Variants in CCDC178 observed in about 807,000 individuals in gnomAD.
CCDC178 encodes coiled-coil domain containing 178, also known as coiled-coil domain-containing protein 178.
A neutral mutation model predicts 117.4 loss-of-function variants in CCDC178; 126 were observed. The observed-to-expected ratio is 1.07, with a 90% CI of 0.93 to 1.24. The LOEUF (loss-of-function observed/expected upper bound fraction) is 1.24, where lower values mean the gene tolerates loss of function less well. CCDC178 is among the 50% of genes most tolerant of loss of function. CCDC178 has a pLI of 0.00. For synonymous variants in CCDC178, 283 were observed against 313.4 expected (o/e 0.90, Z 1.02); for missense variants, 1,030 against 986.9 (o/e 1.04, Z -0.59).
chr18:33,076,289 T>C (rs566606785), intron 21 of CCDC178, among the ~76,000 whole-genome samples: 1 of 152,284 alleles, frequency 6.6e-6, no homozygotes, highest in Admixed American at 6.5e-5. Flanking sequence ...ATCCTAGCAT[T>C]CTTAGGTGAG....
rs146347291 is a variant in CCDC178, at chr18:33,338,171, T to C, written c.659-4777A>G. On this transcript the variant is annotated intron_variant, in intron 9 of 22. Transcript: ENST00000383096. ...GAAAAATGTTCAACATCACTAATTA[T>C]CAGGGAAATGCAAATCAAAACCACA... is the stretch of plus-strand genomic sequence containing the variant. 6.6e-4 allele frequency among the ~76,000 whole-genome samples: 100 copies of C among 152,214 alleles called. 1 individual carries two copies. In the East Asian group the frequency reaches 0.01, roughly 16 times the overall value.
intron 22 of CCDC178, among the ~76,000 whole-genome samples, chr18:32,965,049 C>T (rs148489753): frequency 2.6e-5 from 4 of 151,714 alleles, no homozygotes; most frequent in South Asian, 2.1e-4. Flanking sequence ...TACTGTATAC[C>T]CGGCACCTCA....
At chr18:33,365,764 T>C (rs1317383792) in intron 6 of CCDC178, among the ~76,000 whole-genome samples, 2 of 152,088 alleles carry the variant, frequency 1.3e-5, no homozygotes, top group Non-Finnish European at 2.9e-5. Context: ...TTTAATTCTG[T>C]AGTGCTCACT....
intron 22 of CCDC178, among the ~76,000 whole-genome samples, chr18:32,961,957 T>C (rs1195713250): frequency 6.6e-6 from 1 of 151,410 alleles, no homozygotes; most frequent in African/African-American, 2.4e-5. Context: ...TTTTTTCTCA[T>C]TGTTTTCTAT....
chr18:33,198,278 CTCTA>C (rs891852910), intron 20 of CCDC178, among the ~76,000 whole-genome samples: 19 of 152,300 alleles, frequency 1.2e-4, no homozygotes, highest in African/African-American at 3.1e-4. Context: ...GTCTCTCTCT[CTCTA>C]TCTATCTCCC....
At chr18:33,390,706 T>A (rs2063552423) in intron 4 of CCDC178, among the ~76,000 whole-genome samples, 1 of 151,982 alleles carries the variant, frequency 6.6e-6, no homozygotes, top group Non-Finnish European at 1.5e-5. Context: ...TGATGGAAAT[T>A]TTTTTCTAGC....
chr18:33,195,737 C>T (rs2058922358), intron 20 of CCDC178, among the ~76,000 whole-genome samples: 1 of 152,134 alleles, frequency 6.6e-6, no homozygotes, highest in Non-Finnish European at 1.5e-5. Flanking sequence ...CTTCTTAGGA[C>T]ACAAGGCTAT....
chr18:33,040,832 G>A (rs1244928383), intron 21 of CCDC178, among the ~76,000 whole-genome samples: 2 of 151,916 alleles, frequency 1.3e-5, no homozygotes, highest in African/African-American at 4.8e-5. Flanking sequence ...GACAATGCTG[G>A]TGAACAGGCT....
At chr18:32,966,889 T>C (rs1241089163) in intron 22 of CCDC178, among the ~76,000 whole-genome samples, 2 of 151,864 alleles carry the variant, frequency 1.3e-5, no homozygotes, top group Admixed American at 6.6e-5. Context: ...TTGAGCTAAA[T>C]TTTTGTTAAT....
At chr18:33,135,338 A>G (rs2058111760) in intron 20 of CCDC178, among the ~76,000 whole-genome samples, 1 of 152,170 alleles carries the variant, frequency 6.6e-6, no homozygotes, top group Non-Finnish European at 1.5e-5. Flanking sequence ...GATCATTTAG[A>G]TGGCACACAA....
intron 20 of CCDC178, among the ~76,000 whole-genome samples, chr18:33,109,616 C>T (rs1351343454): frequency 5.3e-5 from 8 of 151,454 alleles, no homozygotes; most frequent in African/African-American, 1.9e-4. Flanking sequence ...TATCATCACC[C>T]CAGAAACCTC....
At chr18:33,385,632 A>G (rs1001929211) in intron 5 of CCDC178, among the ~76,000 whole-genome samples, 14 of 152,238 alleles carry the variant, frequency 9.2e-5, no homozygotes, top group Admixed American at 3.3e-4. Context: ...TAATGAAATT[A>G]AGACAGATAT....
At chr18:33,170,378 A>G (rs961435079) in intron 20 of CCDC178, among the ~76,000 whole-genome samples, 1 of 152,178 alleles carries the variant, frequency 6.6e-6, no homozygotes, top group Non-Finnish European at 1.5e-5. Flanking sequence ...ATTCTTAACC[A>G]AAAGAACTTA....
At chr18:32,991,389 A>T (rs2055389899) in intron 21 of CCDC178, among the ~76,000 whole-genome samples, 1 of 151,656 alleles carries the variant, frequency 6.6e-6, no homozygotes, top group African/African-American at 2.4e-5. Flanking sequence ...CTGTGGGGGA[A>T]ACTGGACTTC....
At chr18:32,994,380 T>C (rs1410838428) in intron 21 of CCDC178, among the ~76,000 whole-genome samples, 1 of 152,016 alleles carries the variant, frequency 6.6e-6, no homozygotes, top group Non-Finnish European at 1.5e-5. Flanking sequence ...ACCAAAAACT[T>C]TAAAGAATAA....
chr18:33,389,052 G>A (rs1301440714), intron 5 of CCDC178, among the ~76,000 whole-genome samples: 6 of 151,994 alleles, frequency 3.9e-5, no homozygotes, highest in Non-Finnish European at 1.5e-5. Flanking sequence ...TTAATACTTA[G>A]GTGATGGATT....
intron 21 of CCDC178, among the ~76,000 whole-genome samples, chr18:33,092,446 C>A (rs967280544): frequency 7.9e-5 from 12 of 151,836 alleles, no homozygotes; most frequent in Non-Finnish European, 1.8e-4. Flanking sequence ...ATCACCCACT[C>A]TTAGAATTGA....
chr18:33,305,715 T>G (rs2062238903), intron 11 of CCDC178, among the ~76,000 whole-genome samples: 1 of 152,194 alleles, frequency 6.6e-6, no homozygotes, highest in African/African-American at 2.4e-5. Context: ...AGCTTAAATT[T>G]ACCCTCTTCC....
Position 33,254,215 on chromosome 18 carries a change from T to G in CCDC178, c.1410-8787A>C, listed in dbSNP as rs192411746. Among the ~76,000 whole-genome samples the G allele has an allele frequency of 1.8e-3, 272 of 150,596 alleles. 3 individuals carry two copies. Among genetic ancestry groups the G allele is most frequent in the Non-Finnish European group, 2.4e-3 (164 of 67,650 alleles). ...ATAAACTTTTATATTTAGCTATCAT[T>G]CATTCATTATGTCATTTATTCAACA... On this transcript the variant is annotated intron_variant, in intron 14 of 22. Coordinates refer to ENST00000383096, the MANE Select transcript of CCDC178 (RefSeq NM_001105528.4).
Sources: gnomAD v4.1 joint callset for allele counts (sites outside exome capture counted in the v4.1 genomes callset) on GRCh38, gnomAD v4.1.1 for gene constraint, MANE v1.5 for transcripts, NCBI Gene and HGNC (gene_info 2026-07-23, HGNC 2026-07-21) for gene names.